The following TMCC1 variants were observed in gnomAD, a reference collection of about 807,000 sequenced individuals.
TMCC1 encodes the protein transmembrane and coiled-coil domains protein 1.
Under a neutral mutation model 52.4 loss-of-function variants are expected in TMCC1, and 15 were observed. That is an observed-to-expected ratio of 0.29 (90% CI 0.19 to 0.44). The LOEUF (loss-of-function observed/expected upper bound fraction) is 0.44, where lower values mean the gene tolerates loss of function less well. TMCC1 is among the 20% of genes least tolerant of loss of function. The pLI, the probability that TMCC1 is intolerant of heterozygous loss-of-function variation, is 1.00. For missense variants in TMCC1, 503 were observed against 806.0 expected (o/e 0.62, Z 4.55); for synonymous variants, 279 against 301.9 (o/e 0.92, Z 0.79).
chr3:129,652,323 C>T (rs1031141857), intron 6 of TMCC1, among the ~76,000 whole-genome samples: 19 of 151,788 alleles, frequency 1.3e-4, no homozygotes, highest in African/African-American at 4.6e-4. Context: ...ATCCTAAGAC[C>T]CCCAGCCAAA....
At chr3:129,847,441 C>G (rs1333778544) in intron 2 of TMCC1, 5 of 152,230 alleles carry the variant, frequency 3.3e-5, no homozygotes, top group Non-Finnish European at 5.9e-5. Flanking sequence ...ATGTACTCTT[C>G]TTAAGTTTGG....
chr3:129,859,515 T>C lies in TMCC1; in HGVS notation c.-184+20794A>G, dbSNP rs142860517. Among the ~76,000 whole-genome samples the C allele has an allele frequency of 2.0e-3, 311 of 152,048 alleles. 1 individual carries two copies. The highest frequency in any genetic ancestry group is 7.4e-3 in the East Asian group (38 of 5,166). On this transcript the variant is annotated intron_variant, in intron 2 of 6. Transcript: ENST00000393238. Reference sequence around the variant, plus strand: ...AGGTGGGCATGGTGGCATGACCCTATAGTCCCAGGTACTTGGGAGGCTGAG... The same window carrying C: ...AGGTGGGCATGGTGGCATGACCCTACAGTCCCAGGTACTTGGGAGGCTGAG...
chr3:129,822,858 T>C (rs1048482836), intron 4 of TMCC1, among the ~76,000 whole-genome samples: 26 of 152,212 alleles, frequency 1.7e-4, no homozygotes, highest in African/African-American at 6.3e-4. Flanking sequence ...CAGCAGCCAG[T>C]GATCTTCTGA....
At chr3:129,758,841 C>T (rs1242928219) in intron 4 of TMCC1, among the ~76,000 whole-genome samples, 1 of 152,180 alleles carries the variant, frequency 6.6e-6, no homozygotes, top group Non-Finnish European at 1.5e-5. Context: ...CCTCTCTTCC[C>T]AGCCCCTGGC....
intron 2 of TMCC1, among the ~76,000 whole-genome samples, chr3:129,861,829 A>G (rs1196135954): frequency 2.0e-5 from 3 of 152,254 alleles, no homozygotes; most frequent in Non-Finnish European, 4.4e-5. Flanking sequence ...AATGTTAAAC[A>G]TAAAAGAGTT....
intron 4 of TMCC1, among the ~76,000 whole-genome samples, chr3:129,696,772 T>C (rs2047443690): frequency 6.6e-6 from 1 of 152,164 alleles, no homozygotes; most frequent in Non-Finnish European, 1.5e-5. Flanking sequence ...CTGGCTAAAA[T>C]GAAGGGGCTA....
At chr3:129,666,034 T>C (rs1180039840) in intron 5 of TMCC1, among the ~76,000 whole-genome samples, 1 of 151,922 alleles carries the variant, frequency 6.6e-6, no homozygotes, top group African/African-American at 2.4e-5. Context: ...AACTAAAGCG[T>C]AGAAAAAAAA....
At chr3:129,727,782 TC>T (rs768653499) in intron 4 of TMCC1, among the ~76,000 whole-genome samples, 7 of 152,186 alleles carry the variant, frequency 4.6e-5, no homozygotes, top group Non-Finnish European at 8.8e-5. Context: ...GTAGTCTTCT[TC>T]CCATACTGAC....
intron 2 of TMCC1, among the ~76,000 whole-genome samples, chr3:129,863,315 G>C (rs753418369): frequency 1.3e-5 from 2 of 152,114 alleles, no homozygotes; most frequent in African/African-American, 4.8e-5. Flanking sequence ...TTATCCCAAA[G>C]CATGTGATGT....
chr3:129,763,122 C>T (rs916312118), intron 4 of TMCC1, among the ~76,000 whole-genome samples: 4 of 150,606 alleles, frequency 2.7e-5, no homozygotes, highest in African/African-American at 9.8e-5. Flanking sequence ...GGCGTGAACC[C>T]GGGAGGCGGA....
intron 2 of TMCC1, among the ~76,000 whole-genome samples, chr3:129,850,944 G>GCC (rs2059890530): frequency 7.0e-6 from 1 of 142,120 alleles, no homozygotes; most frequent in African/African-American, 2.5e-5. Context: ...CCTTTAAGCG[G>GCC]TTTTCTGCCT....
chr3:129,749,587 T>C (rs1485974225), intron 4 of TMCC1, among the ~76,000 whole-genome samples: 1 of 152,172 alleles, frequency 6.6e-6, no homozygotes, highest in Non-Finnish European at 1.5e-5. Context: ...TTGTTTTTGA[T>C]TTCAGGTCAA....
intron 4 of TMCC1, among the ~76,000 whole-genome samples, chr3:129,813,689 G>A (rs548319005): frequency 6.6e-6 from 1 of 151,870 alleles, no homozygotes; most frequent in East Asian, 1.9e-4. Context: ...ACTACCTATT[G>A]GGTACTATGC....
At chr3:129,778,682 G>GA (rs2055254009) in intron 4 of TMCC1, among the ~76,000 whole-genome samples, 1 of 150,428 alleles carries the variant, frequency 6.6e-6, no homozygotes, top group Admixed American at 6.7e-5. Context: ...GGTGGGGGGG[G>GA]GGCAGTCTCC....
intron 2 of TMCC1, among the ~76,000 whole-genome samples, chr3:129,845,547 A>G (rs1427870576): frequency 6.6e-6 from 1 of 152,230 alleles, no homozygotes; most frequent in Non-Finnish European, 1.5e-5. Flanking sequence ...AATAAATACT[A>G]TCATTGAAGT....
At chr3:129,807,809 A>G (rs1339944511) in intron 4 of TMCC1, among the ~76,000 whole-genome samples, 2 of 152,224 alleles carry the variant, frequency 1.3e-5, no homozygotes, top group Non-Finnish European at 2.9e-5. Context: ...CTGAAAAATT[A>G]TCTTCCATGC....
At chr3:129,761,185 G>A (rs113532909) in intron 4 of TMCC1, among the ~76,000 whole-genome samples, 1 of 152,040 alleles carries the variant, frequency 6.6e-6, no homozygotes, top group Admixed American at 6.5e-5. Flanking sequence ...AAAATTGGCC[G>A]GGCGTAGTGG....
intron 4 of TMCC1, among the ~76,000 whole-genome samples, chr3:129,762,492 C>CA (rs34551140): frequency 2.6e-5 from 4 of 151,730 alleles, no homozygotes; most frequent in Non-Finnish European, 5.9e-5. Context: ...TTTTCTCTGA[C>CA]AAAAAAATAT....
intron 2 of TMCC1, among the ~76,000 whole-genome samples, chr3:129,837,281 C>T (rs2059202628): frequency 6.6e-6 from 1 of 152,098 alleles, no homozygotes; most frequent in Non-Finnish European, 1.5e-5. Flanking sequence ...CCTCCACTAA[C>T]TGACAGGCTT....
Sources: allele counts gnomAD v4.1 joint callset (sites outside exome capture counted in the v4.1 genomes callset), GRCh38; gene constraint gnomAD v4.1.1; transcripts MANE v1.5; gene names NCBI Gene and HGNC (gene_info 2026-07-23, HGNC 2026-07-21).